NFIB: variants seen among roughly 807,000 people sequenced by gnomAD.
NFIB encodes nuclear factor 1 B-type.
A neutral mutation model predicts 61.5 loss-of-function variants in NFIB; 11 were observed. The ratio of observed to expected loss-of-function variants is 0.18; its 90% confidence interval spans 0.11 to 0.30. The LOEUF is 0.30. Among genes scored for constraint, NFIB ranks in the 10% least tolerant of loss-of-function variants. NFIB has a pLI of 1.00. For synonymous variants in NFIB, 260 were observed against 216.5 expected, an observed-to-expected ratio of 1.20 and a Z score of -1.76; for missense variants, 471 against 608.9, an observed-to-expected ratio of 0.77 and a Z score of 2.38.
At chr9:14,229,475 T>C (rs904018968) in intron 2 of NFIB, among the ~76,000 whole-genome samples, 1 of 152,228 alleles carries the variant, frequency 6.6e-6, no homozygotes, top group Non-Finnish European at 1.5e-5. Context: ...GTACTAATTC[T>C]GGAATTAAAA....
Position 14,150,293 on chromosome 9 carries a change from G to C in NFIB, c.686-28C>G, listed in dbSNP as rs370005693. The C allele has an allele frequency of 1.8e-5, 29 of 1,612,468 alleles. 1 individual carries two copies. In the Middle Eastern group the frequency reaches 1.2e-3, roughly 64 times the overall value. On this transcript the variant is annotated intron_variant, in intron 4 of 10. Transcript: ENST00000380953. ...GAGGAATAAGACAAAGAAGCACTGG[G>C]AATGACATTCGTATTTCTGACCTCT...
At chr9:14,425,607 ATTTTTT>A in the NFIB span, among the ~76,000 whole-genome samples, 272 of 99,048 alleles carry the variant, frequency 2.7e-3, 1 homozygote, top group African/African-American at 9.1e-3. Context: ...TTGCTACATA[ATTTTTT>A]TTTTTTTTTT....
chr9:14,258,362 T>C (rs775222593), intron 2 of NFIB, among the ~76,000 whole-genome samples: 7 of 152,242 alleles, frequency 4.6e-5, no homozygotes, highest in Non-Finnish European at 1.0e-4. Flanking sequence ...GCATGTTGTC[T>C]AAGTATCTGA....
At chr9:14,112,561 G>C (rs1350143942) in intron 10 of NFIB, among the ~76,000 whole-genome samples, 1 of 152,134 alleles carries the variant, frequency 6.6e-6, no homozygotes, top group Non-Finnish European at 1.5e-5. Context: ...GTAACTCATC[G>C]TCTTGGACTA....
Position 14,287,159 on chromosome 9 carries a change from C to T in NFIB, c.562+19830G>A, listed in dbSNP as rs977683567. 2.0e-5 allele frequency among the ~76,000 whole-genome samples: 3 copies of T among 151,096 alleles called. No individual in the cohort carries two copies. The South Asian group carries it at 6.3e-4, about 32-fold the overall frequency. Reference sequence around the variant, plus strand: ...TAAAAGAGCTATTATAGGCCGGGCGCGGTGGCTCACACCTGTAATCCCAGC... The same window carrying T: ...TAAAAGAGCTATTATAGGCCGGGCGTGGTGGCTCACACCTGTAATCCCAGC... On this transcript the variant is annotated intron_variant, in intron 2 of 10. Transcript: ENST00000380953.
chr9:14,525,596 T>G, the NFIB span, among the ~76,000 whole-genome samples: 1 of 152,140 alleles, frequency 6.6e-6, no homozygotes, highest in African/African-American at 2.4e-5. Flanking sequence ...ACCCTTAAAA[T>G]CATGGTATTT....
intron 2 of NFIB, among the ~76,000 whole-genome samples, chr9:14,190,054 T>A (rs2047780189): frequency 6.6e-6 from 1 of 152,120 alleles, no homozygotes; most frequent in Non-Finnish European, 1.5e-5. Context: ...TCCTAAAAAA[T>A]TTTTTAAATT....
the NFIB span, among the ~76,000 whole-genome samples, chr9:14,458,893 C>G: frequency 2.6e-5 from 4 of 151,684 alleles, no homozygotes; most frequent in Admixed American, 6.6e-5. Flanking sequence ...GAAGAATATT[C>G]CATGCTCATG....
intron 1 of NFIB, among the ~76,000 whole-genome samples, chr9:14,351,395 C>T (rs959055545): frequency 2.1e-5 from 3 of 145,652 alleles, no homozygotes; most frequent in Admixed American, 6.8e-5. Context: ...TCCTAGGGAG[C>T]TGGGCTAGGG....
At position 14,232,803 on chromosome 9, in the gene NFIB, T is replaced by C. The variant is rs564243061; in HGVS notation, c.563-53023A>G. On this transcript the variant is annotated intron_variant, in intron 2 of 10. Coordinates refer to ENST00000380953, the MANE Select transcript of NFIB (RefSeq NM_001190737.2). ...ATAATGAGTTGAACTATTTAACTTA[T>C]TTTATTTAAATGTTTATTTCAATTG... 2.0e-5 allele frequency among the ~76,000 whole-genome samples: 3 copies of C among 152,338 alleles called. No homozygotes were observed. The South Asian group carries it at 6.2e-4, about 32-fold the overall frequency.
At chr9:14,201,614 G>A (rs1001712800) in intron 2 of NFIB, among the ~76,000 whole-genome samples, 20 of 152,106 alleles carry the variant, frequency 1.3e-4, no homozygotes, top group Admixed American at 4.6e-4. Flanking sequence ...TGCAGGGCCC[G>A]ACCAGTGCAT....
At chr9:14,155,747 T>C (rs760321683) in intron 4 of NFIB, 78 bp downstream of exon 4, 8 of 833,570 alleles carry the variant, frequency 9.6e-6, no homozygotes, top group East Asian at 5.8e-5. Context: ...TCACTCTTTA[T>C]ACTACATTTA....
intron 1 of NFIB, among the ~76,000 whole-genome samples, chr9:14,373,211 C>T (rs1162307378): frequency 3.3e-5 from 5 of 152,212 alleles, no homozygotes; most frequent in African/African-American, 1.2e-4. Flanking sequence ...ATGCAATCAG[C>T]TGTGGCCCAG....
intron 2 of NFIB, among the ~76,000 whole-genome samples, chr9:14,193,665 A>G (rs1480826807): frequency 1.3e-5 from 2 of 152,214 alleles, no homozygotes; most frequent in East Asian, 3.8e-4. Flanking sequence ...ACACTCTACG[A>G]ACAGGAGAAA....
chr9:14,376,667 C>T (rs1041133173), intron 1 of NFIB, among the ~76,000 whole-genome samples: 1 of 152,024 alleles, frequency 6.6e-6, no homozygotes, highest in African/African-American at 2.4e-5. Context: ...CAGATGGAAG[C>T]TACCACGCCC....
chr9:14,512,803 T>G, the NFIB span, among the ~76,000 whole-genome samples: 2 of 152,134 alleles, frequency 1.3e-5, no homozygotes, highest in Non-Finnish European at 2.9e-5. Context: ...TCTGTCACGT[T>G]TTTGAATCAG....
At chr9:14,231,128 AAAAAAAAATAT>A (rs1324120903) in intron 2 of NFIB, among the ~76,000 whole-genome samples, 6 of 96,446 alleles carry the variant, frequency 6.2e-5, no homozygotes, top group African/African-American at 2.6e-4. Context: ...GGGAAAAAAA[AAAAAAAAATAT>A]ATATATATAT....
At chr9:14,231,170 G>A (rs1265073780) in intron 2 of NFIB, among the ~76,000 whole-genome samples, 12 of 84,746 alleles carry the variant, frequency 1.4e-4, no homozygotes, top group Admixed American at 3.7e-4. Context: ...ATATATATTC[G>A]TTGAGACATT....
intron 2 of NFIB, among the ~76,000 whole-genome samples, chr9:14,245,602 G>C (rs2054830554): frequency 6.6e-6 from 1 of 152,188 alleles, no homozygotes; most frequent in South Asian, 2.1e-4. Flanking sequence ...GCCGGGCTCA[G>C]TGGCTCACGA....
Sources: gnomAD v4.1 joint callset for allele counts (sites outside exome capture counted in the v4.1 genomes callset) on GRCh38, gnomAD v4.1.1 for gene constraint, MANE v1.5 for transcripts, NCBI Gene and HGNC (gene_info 2026-07-23, HGNC 2026-07-21) for gene names.